The following HEMK2 variants were observed in gnomAD, a reference collection of about 807,000 sequenced individuals.
HEMK2 encodes the protein methyltransferase HEMK2.
At chr21:28,765,023 A>G in the HEMK2 span, among the ~76,000 whole-genome samples, 1 of 152,054 alleles carries the variant, frequency 6.6e-6, no homozygotes. Context: ...TAACCAACTG[A>G]GTATGATGAA....
chr21:28,724,311 C>T, the HEMK2 span, among the ~76,000 whole-genome samples: 1 of 152,144 alleles, frequency 6.6e-6, no homozygotes, highest in African/African-American at 2.4e-5. Context: ...AAAATAGAAC[C>T]TTGTTTATAA....
chr21:28,864,886 A>AGATT, the HEMK2 span, among the ~76,000 whole-genome samples: 1 of 99,104 alleles, frequency 1.0e-5, no homozygotes. Context: ...AGGTAGATAT[A>AGATT]GATGATAGAT....
At chr21:28,855,760 T>C in the HEMK2 span, among the ~76,000 whole-genome samples, 4 of 152,236 alleles carry the variant, frequency 2.6e-5, no homozygotes, top group African/African-American at 9.6e-5. Flanking sequence ...TGCTTCTGAA[T>C]GACTTTTGGG....
chr21:28,671,129 C>T, the HEMK2 span: 1 of 152,210 alleles, frequency 6.6e-6, no homozygotes, highest in Non-Finnish European at 1.5e-5. Flanking sequence ...AGAGCCTTCA[C>T]GGGAGGCTCA....
At chr21:28,727,840 C>T in the HEMK2 span, among the ~76,000 whole-genome samples, 2 of 152,166 alleles carry the variant, frequency 1.3e-5, no homozygotes, top group African/African-American at 4.8e-5. Context: ...TTGAAATAAA[C>T]TGATAAATTC....
At chr21:28,847,851 T>C in the HEMK2 span, among the ~76,000 whole-genome samples, 1 of 152,224 alleles carries the variant, frequency 6.6e-6, no homozygotes, top group Non-Finnish European at 1.5e-5. Context: ...TAGCCAGTTA[T>C]CCCAGCACCA....
the HEMK2 span, among the ~76,000 whole-genome samples, chr21:28,737,337 G>A: frequency 6.6e-6 from 1 of 152,202 alleles, no homozygotes; most frequent in East Asian, 1.9e-4. Flanking sequence ...ATTGGCCAGA[G>A]TGGTCTTGAA....
the HEMK2 span, among the ~76,000 whole-genome samples, chr21:28,871,559 T>C: frequency 6.6e-6 from 1 of 152,228 alleles, no homozygotes; most frequent in Admixed American, 6.5e-5. Context: ...TGTCCATGTC[T>C]ATTCCTAATT....
chr21:28,582,111 G>T, the HEMK2 span, among the ~76,000 whole-genome samples: 1 of 152,144 alleles, frequency 6.6e-6, no homozygotes, highest in Non-Finnish European at 1.5e-5. Context: ...TTCACCAGTT[G>T]GGATTAGTTT....
chr21:28,774,253 G>C, the HEMK2 span, among the ~76,000 whole-genome samples: 1 of 152,126 alleles, frequency 6.6e-6, no homozygotes, highest in Admixed American at 6.6e-5. Flanking sequence ...AGGATATCTG[G>C]AGAATCAAGC....
the HEMK2 span, among the ~76,000 whole-genome samples, chr21:28,747,890 A>C: frequency 0.075 from 11,445 of 152,282 alleles, 686 homozygotes; most frequent in African/African-American, 0.16. Context: ...AAGGAACATA[A>C]CCAGAGAGAG....
At chr21:28,708,885 T>C in the HEMK2 span, among the ~76,000 whole-genome samples, 1 of 152,268 alleles carries the variant, frequency 6.6e-6, no homozygotes, top group Non-Finnish European at 1.5e-5. Flanking sequence ...GTTATATGTG[T>C]AAATGAAGAC....
the HEMK2 span, among the ~76,000 whole-genome samples, chr21:28,722,802 T>C: frequency 1.3e-5 from 2 of 152,212 alleles, no homozygotes; most frequent in African/African-American, 4.8e-5. Flanking sequence ...GAGAATCGCT[T>C]GAACCCAGAA....
chr21:28,694,714 G>A, the HEMK2 span, among the ~76,000 whole-genome samples: 8 of 152,000 alleles, frequency 5.3e-5, no homozygotes, highest in African/African-American at 1.2e-4. Context: ...ATTCAGGGCC[G>A]GACGCAGTGG....
At chr21:28,661,791 C>T in the HEMK2 span, among the ~76,000 whole-genome samples, 1 of 152,058 alleles carries the variant, frequency 6.6e-6, no homozygotes, top group Non-Finnish European at 1.5e-5. Context: ...CTATTGAGTG[C>T]TTGAAATGTG....
At chr21:28,870,266 C>T in the HEMK2 span, among the ~76,000 whole-genome samples, 3 of 152,186 alleles carry the variant, frequency 2.0e-5, no homozygotes, top group Non-Finnish European at 4.4e-5. Flanking sequence ...AAGCACAGTT[C>T]CCCCCAATTA....
the HEMK2 span, among the ~76,000 whole-genome samples, chr21:28,759,800 T>C: frequency 5.3e-4 from 80 of 152,278 alleles, no homozygotes; most frequent in African/African-American, 1.9e-3. Context: ...ATGTAGGACA[T>C]GCCTTTCGCC....
chr21:28,667,175 T>C, the HEMK2 span, among the ~76,000 whole-genome samples: 1 of 152,194 alleles, frequency 6.6e-6, no homozygotes, highest in Non-Finnish European at 1.5e-5. Context: ...TTTTACATAA[T>C]TTTTAAATTG....
the HEMK2 span, among the ~76,000 whole-genome samples, chr21:28,698,988 G>A: frequency 4.7e-4 from 71 of 152,184 alleles, 1 homozygote; most frequent in African/African-American, 1.7e-3. Flanking sequence ...TTCTTTATAA[G>A]ATCAACCAAA....
Sources: allele counts gnomAD v4.1 joint callset (sites outside exome capture counted in the v4.1 genomes callset), GRCh38; gene constraint gnomAD v4.1.1; transcripts MANE v1.5; gene names NCBI Gene and HGNC (gene_info 2026-07-23, HGNC 2026-07-21).